The following ARHGAP28 variants were observed in gnomAD, a reference collection of about 807,000 sequenced individuals.
The protein encoded by ARHGAP28 is rho GTPase-activating protein 28.
In ARHGAP28, 56 loss-of-function variants were observed where a neutral mutation model predicts 90.7. The ratio of observed to expected loss-of-function variants is 0.62; its 90% CI spans 0.50 to 0.77. The LOEUF (loss-of-function observed/expected upper bound fraction) is 0.77. Ranked by LOEUF, ARHGAP28 falls within the 30% of genes least tolerant of loss-of-function variation. The pLI is 0.00. For synonymous variants in ARHGAP28, 308 were observed against 323.3 expected (o/e 0.95, Z 0.51); for missense variants, 869 against 900.9 (o/e 0.96, Z 0.45).
At chr18:6,819,063 C>T (rs187637926) in intron 1 of ARHGAP28, among the ~76,000 whole-genome samples, 1 of 152,224 alleles carries the variant, frequency 6.6e-6, no homozygotes, top group Non-Finnish European at 1.5e-5. Context: ...GACAGTAACT[C>T]GTTATGTATA....
chr18:6,800,282 A>G (rs1019726360), intron 1 of ARHGAP28, among the ~76,000 whole-genome samples: 6 of 152,240 alleles, frequency 3.9e-5, no homozygotes, highest in Non-Finnish European at 7.3e-5. Context: ...TAGTTCAACT[A>G]TTGTGGAAGA....
intron 2 of ARHGAP28, 102 bp from the exon 3 acceptor site, chr18:6,837,095 A>G: frequency 2.3e-6 from 2 of 880,450 alleles, no homozygotes; most frequent in East Asian, 5.3e-5. Flanking sequence ...CTGTAGAAAA[A>G]AAATACAAAT....
At chr18:6,801,206 G>A (rs1038096909) in intron 1 of ARHGAP28, among the ~76,000 whole-genome samples, 1 of 152,132 alleles carries the variant, frequency 6.6e-6, no homozygotes, top group Non-Finnish European at 1.5e-5. Context: ...ATGGATGGAA[G>A]GCCTTTAAAT....
chr18:6,863,389 T>C (rs983829997), intron 5 of ARHGAP28, among the ~76,000 whole-genome samples: 9 of 151,548 alleles, frequency 5.9e-5, no homozygotes, highest in Non-Finnish European at 8.8e-5. Flanking sequence ...GATAGGTTTT[T>C]CTTATATTGA....
At chr18:6,896,670 C>T (rs1334587292) in intron 16 of ARHGAP28, 44 bp downstream of exon 16, 4 of 1,605,158 alleles carry the variant, frequency 2.5e-6, no homozygotes, top group Non-Finnish European at 3.4e-6. Context: ...AAGGAAAAAC[C>T]TTTATCAGAT....
At chr18:6,826,978 A>C (rs1230462259) in intron 2 of ARHGAP28, among the ~76,000 whole-genome samples, 1 of 152,302 alleles carries the variant, frequency 6.6e-6, no homozygotes, top group East Asian at 1.9e-4. Context: ...GACACAACAC[A>C]TGTTTCAGAG....
chr18:6,890,174 A>G lies in ARHGAP28; in HGVS notation c.1734+89A>G, dbSNP rs1428047291. The G allele has an allele frequency of 9.1e-6, 13 of 1,432,084 alleles. No homozygotes were observed. In the South Asian group the frequency reaches 1.4e-4, roughly 16 times the overall value. The allele number at this position is 1,432,084 out of a possible 1,614,324, so 88.7% of individuals were successfully genotyped here. A position where few individuals can be genotyped will look rare whatever the true frequency, so the allele number is the denominator to read the frequency against. Reference sequence around the variant, plus strand: ...CCATGATTGGGCAACTCCCTTGGTCATAGGGAAGAAATATGAGAAGATAAC... The same window carrying G: ...CCATGATTGGGCAACTCCCTTGGTCGTAGGGAAGAAATATGAGAAGATAAC... On this transcript the variant is annotated intron_variant, in intron 13 of 17. Transcript: ENST00000383472.
chr18:6,909,059 C>A (rs2057379876), intron 17 of ARHGAP28, 35 bp downstream of exon 17: 1 of 1,105,078 alleles, frequency 9.0e-7, no homozygotes, highest in Non-Finnish European at 1.4e-6. Context: ...CTGCTAAATT[C>A]TCTGATTACT....
chr18:6,814,817 GA>G (rs2056579742), intron 1 of ARHGAP28, among the ~76,000 whole-genome samples: 1 of 152,188 alleles, frequency 6.6e-6, no homozygotes, highest in Non-Finnish European at 1.5e-5. Flanking sequence ...TGTTTATCCA[GA>G]TTACTTGGTG....
chr18:6,843,854 T>A (rs1217662653), intron 3 of ARHGAP28, among the ~76,000 whole-genome samples: 1 of 152,222 alleles, frequency 6.6e-6, no homozygotes, highest in Non-Finnish European at 1.5e-5. Flanking sequence ...ACTAAATATC[T>A]AATACATTTA....
chr18:6,827,787 C>G (rs1405497299), intron 2 of ARHGAP28, among the ~76,000 whole-genome samples: 1 of 147,292 alleles, frequency 6.8e-6, no homozygotes, highest in African/African-American at 2.5e-5. Flanking sequence ...ACTTCTCAGA[C>G]GGGGCGGCCG....
Position 6,870,619 on chromosome 18 carries a change from C to T in ARHGAP28, c.841C>T (p.Pro281Ser). Residue 281 changes from proline (P) to serine (S), a missense_variant, in exon 7 of 18, where the codon CCA becomes TCA. Physicochemically the swap from Pro to Ser is moderately conservative, Grantham distance 74. Transcript: ENST00000383472. The stretch of plus-strand genomic sequence containing the variant: ...TGATTTTCTGGAAAAGAACATTCCA[C>T]CAGAGGCTGAAGAGCTGTCATTTGA... ...DDDFLEKNIP[P>S]EAEELSFEVS... 1.2e-6 allele frequency: 2 copies of T among 1,612,586 alleles called. No individual in the cohort carries two copies. The highest frequency in any genetic ancestry group is 1.7e-6 in the Non-Finnish European group (2 of 1,179,174).
chr18:6,790,928 A>G (rs2143553853), intron 1 of ARHGAP28: 1 of 152,302 alleles, frequency 6.6e-6, no homozygotes, highest in African/African-American at 2.4e-5. Flanking sequence ...TATCAGACAC[A>G]TTGTCCCCTT....
chr18:6,841,172 CTCT>C (rs2056812552), intron 3 of ARHGAP28, among the ~76,000 whole-genome samples: 3 of 76,222 alleles, frequency 3.9e-5, no homozygotes, highest in African/African-American at 6.2e-5. Flanking sequence ...TCTCTCCTCT[CTCT>C]CTCTCCTCTC....
At chr18:6,843,424 C>CT (rs1277328965) in intron 3 of ARHGAP28, among the ~76,000 whole-genome samples, 1 of 152,192 alleles carries the variant, frequency 6.6e-6, no homozygotes, top group Non-Finnish European at 1.5e-5. Flanking sequence ...TGGAAATGGG[C>CT]TTTTTCTGGA....
Position 6,890,001 on chromosome 18 carries a change from C to T in ARHGAP28, c.1650C>T (p.His550=), listed in dbSNP as rs1307850330. ...ACCTTTTCTTCAGTAGAAGCAAACA[C>T]TCTGATTATGAAGAATTACTGTTAG... ...APNLFFSRSK[H]SDYEELLLAN... is the part of the protein sequence containing the mutation. The change falls in exon 13 of 18, where the codon CAC becomes CAT. Residue 550 remains histidine (H), a synonymous_variant. Coordinates refer to ENST00000383472, the MANE Select transcript of ARHGAP28 (RefSeq NM_001366230.1). The T allele has an allele frequency of 3.1e-6, 5 of 1,614,024 alleles. No homozygotes were observed. Among genetic ancestry groups the T allele is most frequent in the Non-Finnish European group, 4.2e-6 (5 of 1,180,020 alleles).
chr18:6,730,149 GA>G, intron 1 of ARHGAP28: 1 of 430,846 alleles, frequency 2.3e-6, no homozygotes, highest in Non-Finnish European at 3.8e-6. Flanking sequence ...AGCCTGGGCT[GA>G]AGTCGTTGGC....
chr18:6,824,673 A>G, intron 1 of ARHGAP28, 89 bp from the exon 2 acceptor site: 1 of 1,160,346 alleles, frequency 8.6e-7, no homozygotes, highest in South Asian at 1.7e-5. Context: ...TTTAAACTTA[A>G]TTAATTAAAC....
At chr18:6,901,808 T>A (rs1177193329) in intron 16 of ARHGAP28, among the ~76,000 whole-genome samples, 1 of 152,110 alleles carries the variant, frequency 6.6e-6, no homozygotes, top group Admixed American at 6.5e-5. Context: ...GCTTAAAAGG[T>A]GGAAATGTAT....
Sources: gnomAD v4.1 joint callset for allele counts (sites outside exome capture counted in the v4.1 genomes callset) on GRCh38, gnomAD v4.1.1 for gene constraint, MANE v1.5 for transcripts, NCBI Gene and HGNC (gene_info 2026-07-23, HGNC 2026-07-21) for gene names.